The following ITGAM variants were observed in gnomAD, a reference collection of about 807,000 sequenced individuals.
ITGAM encodes the protein integrin subunit alpha M.
Under a neutral mutation model 137.5 loss-of-function variants are expected in ITGAM, and 79 were observed. That is an observed-to-expected ratio of 0.57 (90% confidence interval 0.48 to 0.69). The LOEUF (loss-of-function observed/expected upper bound fraction) is 0.69. Ranked by LOEUF, ITGAM falls within the 30% of genes least tolerant of loss-of-function variation. ITGAM has a pLI of 0.00. For synonymous variants in ITGAM, 583 were observed against 592.3 expected, an observed-to-expected ratio of 0.98 and a Z score of 0.23; for missense variants, 1,343 against 1,483.5, an observed-to-expected ratio of 0.91 and a Z score of 1.56.
intron 7 of ITGAM, among the ~76,000 whole-genome samples, chr16:31,272,451 A>G (rs1393929272): frequency 1.6e-4 from 2 of 12,522 alleles, no homozygotes; most frequent in African/African-American, 7.8e-4. Context: ...ATATATATAT[A>G]TATATATATA....
At chr16:31,273,020 T>C (rs1013606105) in intron 7 of ITGAM, among the ~76,000 whole-genome samples, 2 of 151,950 alleles carry the variant, frequency 1.3e-5, no homozygotes, top group African/African-American at 4.8e-5. Context: ...CATCTCTGGC[T>C]AGGTGCAGGG....
At chr16:31,306,703 G>A (rs192394841) in intron 14 of ITGAM, among the ~76,000 whole-genome samples, 228 of 152,002 alleles carry the variant, frequency 1.5e-3, no homozygotes, top group African/African-American at 5.4e-3. Flanking sequence ...GTAGAGATTG[G>A]GTTTCACCAT....
chr16:31,277,830 G>A (rs1018356654), intron 11 of ITGAM, 137 bp from the exon 12 acceptor site: 6 of 871,690 alleles, frequency 6.9e-6, no homozygotes, highest in African/African-American at 6.9e-5. Flanking sequence ...TGTTCATAAA[G>A]AGAAATATAG....
Position 31,331,718 on chromosome 16 carries a change from C to G in ITGAM, c.*11C>G. 1 of 1,586,914 alleles carries G rather than the reference C, an allele frequency of 6.3e-7. No individual in the cohort carries two copies. Among genetic ancestry groups the G allele is most frequent in the Non-Finnish European group, 8.6e-7 (1 of 1,166,302 alleles). On this transcript the variant is annotated 3_prime_UTR_variant, in exon 30 of 30. Coordinates refer to ENST00000544665, the MANE Select transcript of ITGAM (RefSeq NM_000632.4). ...GCCGAACCCCAGTAGCGGCTCCTTCCCGACAGAGCTGCCTCTCGGTGGCCA... is the reference window on the plus strand; with the variant it reads ...GCCGAACCCCAGTAGCGGCTCCTTCGCGACAGAGCTGCCTCTCGGTGGCCA...
chr16:31,328,062 T>C (rs552271115), intron 22 of ITGAM, 85 bp from the exon 23 acceptor site: 1 of 1,020,078 alleles, frequency 9.8e-7, no homozygotes, highest in South Asian at 1.3e-5. Flanking sequence ...GGTGGCTGAT[T>C]GGAGGCAGGG....
At chr16:31,314,971 C>T (rs1411750046) in intron 14 of ITGAM, among the ~76,000 whole-genome samples, 4 of 151,774 alleles carry the variant, frequency 2.6e-5, no homozygotes, top group Admixed American at 1.3e-4. Flanking sequence ...CACCACCACA[C>T]CCAGCTAATT....
chr16:31,331,711 C>G lies in ITGAM; in HGVS notation c.*4C>G, dbSNP rs531983242. 1.3e-6 allele frequency: 2 copies of G among 1,595,762 alleles called. No homozygotes were observed. Among genetic ancestry groups the G allele is most frequent in the Non-Finnish European group, 1.7e-6 (2 of 1,171,208 alleles). On this transcript the variant is annotated 3_prime_UTR_variant, in exon 30 of 30. Transcript: ENST00000544665. ...CCCGGGGGCCGAACCCCAGTAGCGG[C>G]TCCTTCCCGACAGAGCTGCCTCTCG... is the stretch of plus-strand genomic sequence containing the variant.
At chr16:31,316,330 T>A (rs2080392015) in intron 14 of ITGAM, among the ~76,000 whole-genome samples, 1 of 149,534 alleles carries the variant, frequency 6.7e-6, no homozygotes, top group East Asian at 2.0e-4. Flanking sequence ...GAGGTTGCAG[T>A]GAGCCTACAT....
chr16:31,330,250 AGG>A, intron 26 of ITGAM, 56 bp from the exon 27 acceptor site: 1 of 1,586,278 alleles, frequency 6.3e-7, no homozygotes. Flanking sequence ...GCAAACGGGG[AGG>A]GGTGTTCTCT....
In ITGAM at chr16:31,297,750, T is replaced by C. The variant is rs1482811090; in HGVS notation, c.1503T>C (p.Ala501=). ...ATACTGTTTGTGTTTAGCAGAGGGC[T>C]CGGTGGCAGTGTGATGCTGTTCTCT... ...VSVCPLPRGR[A]RWQCDAVLYG... is the part of the protein sequence containing the mutation. Residue 501 remains alanine (A), a synonymous_variant, in exon 14 of 30, where the codon GCT becomes GCC. Transcript: ENST00000544665. 1.3e-6 allele frequency: 2 copies of C among 1,595,478 alleles called. No homozygotes were observed. The highest frequency in any genetic ancestry group is 1.7e-6 in the Non-Finnish European group (2 of 1,172,666).
At chr16:31,325,698 A>C (rs1188266376) in intron 21 of ITGAM, 76 bp downstream of exon 21, 2 of 1,529,398 alleles carry the variant, frequency 1.3e-6, no homozygotes, top group Non-Finnish European at 1.8e-6. Context: ...TCTCTTCTTT[A>C]GTAGTGGTTC....
rs1398695991 is a variant in ITGAM at position 31,271,957 on chromosome 16, G to A, written c.669G>A (p.Gly223=). ...TGAAGCCAATAACGCAGCTGCTTGG[G>A]CGGACACACACGGCCACGGGCATCC... ...SLVKPITQLL[G]RTHTATGIRK... The change falls in exon 7 of 30, where the codon GGG becomes GGA. Residue 223 remains glycine, a synonymous_variant. Transcript: ENST00000544665. 2 of 1,613,886 alleles carry A rather than the reference G, an allele frequency of 1.2e-6. No individual in the cohort carries two copies. The highest frequency in any genetic ancestry group is 1.7e-6 in the Non-Finnish European group (2 of 1,179,910).
At position 31,276,957 on chromosome 16, in the gene ITGAM, G is replaced by T. The variant is rs764372931; in HGVS notation, c.1121G>T (p.Trp374Leu). 1 of 1,613,378 alleles carries T rather than the reference G, an allele frequency of 6.2e-7. No individual in the cohort carries two copies. Among genetic ancestry groups the T allele is most frequent in the South Asian group, 1.1e-5 (1 of 90,936 alleles). ...CTGAGCACTGTGGGGAGCTATGACTGGGCTGGTGGAGTCTTTCTATATACA... is the reference window on the plus strand; with the variant it reads ...CTGAGCACTGTGGGGAGCTATGACTTGGCTGGTGGAGTCTTTCTATATACA... Reference protein sequence around the residue: ...PLLSTVGSYDWAGGVFLYTSK... With the variant: ...PLLSTVGSYDLAGGVFLYTSK... Residue 374 changes from tryptophan to leucine, a missense_variant, in exon 11 of 30, where the codon TGG becomes TTG. By Grantham distance (61) the Trp-to-Leu change is moderately conservative (BLOSUM62 -2). Coordinates refer to ENST00000544665, the MANE Select transcript of ITGAM (RefSeq NM_000632.4).
At chr16:31,323,198 G>A (rs568585533) in intron 16 of ITGAM, among the ~76,000 whole-genome samples, 14 of 152,200 alleles carry the variant, frequency 9.2e-5, no homozygotes, top group East Asian at 1.9e-4. Flanking sequence ...TTGGGAGGCC[G>A]AGGCAGGTGG....
chr16:31,314,572 C>T (rs1159919657), intron 14 of ITGAM, among the ~76,000 whole-genome samples: 3 of 152,016 alleles, frequency 2.0e-5, no homozygotes, highest in African/African-American at 7.2e-5. Context: ...GGCCTCTGTT[C>T]TGTTTCATTT....
chr16:31,320,745 C>T (rs966345108), intron 14 of ITGAM, among the ~76,000 whole-genome samples: 2 of 152,162 alleles, frequency 1.3e-5, no homozygotes, highest in African/African-American at 2.4e-5. Context: ...CCCCCATTCA[C>T]GCCTCATGTT....
At chr16:31,263,594 G>C (rs1286998335) in intron 2 of ITGAM, among the ~76,000 whole-genome samples, 2 of 149,982 alleles carry the variant, frequency 1.3e-5, no homozygotes, top group Admixed American at 1.3e-4. Context: ...GCTTTAAATT[G>C]CTTCTTTTTT....
intron 12 of ITGAM, among the ~76,000 whole-genome samples, chr16:31,284,874 TA>T (rs910803359): frequency 4.0e-5 from 6 of 148,612 alleles, no homozygotes; most frequent in East Asian, 2.0e-4. Context: ...TATAGTTCTT[TA>T]AAAAAAAAAA....
intron 23 of ITGAM, 38 bp downstream of exon 23, chr16:31,328,268 T>C (rs1567282178): frequency 6.7e-7 from 1 of 1,492,148 alleles, no homozygotes. Context: ...CCTCCACTTC[T>C]GGGCTGGACA....
Sources: gnomAD v4.1 joint callset for allele counts (sites outside exome capture counted in the v4.1 genomes callset) on GRCh38, gnomAD v4.1.1 for gene constraint, MANE v1.5 for transcripts, NCBI Gene and HGNC (gene_info 2026-07-23, HGNC 2026-07-21) for gene names.